Variants in MOB3B observed in about 807,000 individuals in gnomAD.
The protein encoded by MOB3B is MOB kinase activator-like 2B.
Under a neutral mutation model 18.7 loss-of-function variants are expected in MOB3B, and 7 were observed. That is an observed-to-expected ratio of 0.37 (90% CI 0.21 to 0.70). The LOEUF (loss-of-function observed/expected upper bound fraction) is 0.70. MOB3B is among the 30% of genes least tolerant of loss of function. MOB3B has a pLI of 0.52. For missense variants in MOB3B, 253 were observed against 281.3 expected (o/e 0.90, Z 0.72); for synonymous variants, 111 against 99.9 (o/e 1.11, Z -0.66).
chr9:27,414,683 G>A (rs1822119775), intron 2 of MOB3B, among the ~76,000 whole-genome samples: 1 of 152,096 alleles, frequency 6.6e-6, no homozygotes, highest in Non-Finnish European at 1.5e-5. Context: ...ACTTAAATCA[G>A]CAACATAAAC....
At chr9:27,355,667 C>T (rs1180329981) in intron 3 of MOB3B, among the ~76,000 whole-genome samples, 1 of 151,076 alleles carries the variant, frequency 6.6e-6, no homozygotes, top group Non-Finnish European at 1.5e-5. Flanking sequence ...TCACGCCATT[C>T]TCCTGCCTCA....
chr9:27,399,609 A>T (rs2131390609), intron 2 of MOB3B, among the ~76,000 whole-genome samples: 1 of 152,256 alleles, frequency 6.6e-6, no homozygotes, highest in Non-Finnish European at 1.5e-5. Flanking sequence ...AGACCCTTCC[A>T]TTAATACAAA....
intron 1 of MOB3B, chr9:27,524,847 A>T: frequency 6.2e-7 from 1 of 1,614,062 alleles, no homozygotes; most frequent in Non-Finnish European, 8.5e-7. Context: ...CAGGATAGAC[A>T]ATTTCCTGAA....
intron 2 of MOB3B, among the ~76,000 whole-genome samples, chr9:27,447,538 A>G (rs1362581595): frequency 6.6e-6 from 1 of 152,188 alleles, no homozygotes; most frequent in Non-Finnish European, 1.5e-5. Context: ...TTAAAATTAC[A>G]TAGCACAGGT....
intron 2 of MOB3B, among the ~76,000 whole-genome samples, chr9:27,361,125 T>C (rs2131358113): frequency 6.6e-6 from 1 of 151,964 alleles, no homozygotes; most frequent in South Asian, 2.1e-4. Flanking sequence ...TGCCAGGAGG[T>C]CGACATATGT....
chr9:27,488,569 G>A (rs1053828893), intron 1 of MOB3B, among the ~76,000 whole-genome samples: 1 of 152,018 alleles, frequency 6.6e-6, no homozygotes. Flanking sequence ...CACCACACTC[G>A]GCTAACTTTT....
chr9:27,449,651 A>G (rs1822750470), intron 2 of MOB3B, among the ~76,000 whole-genome samples: 1 of 152,222 alleles, frequency 6.6e-6, no homozygotes, highest in Admixed American at 6.5e-5. Flanking sequence ...TTCTATCAAA[A>G]TAAAAACCAT....
intron 1 of MOB3B, among the ~76,000 whole-genome samples, chr9:27,506,700 T>C (rs1820065140): frequency 6.6e-6 from 1 of 151,522 alleles, no homozygotes; most frequent in Non-Finnish European, 1.5e-5. Context: ...CCGGCTAATT[T>C]TTTGTAATTT....
intron 2 of MOB3B, among the ~76,000 whole-genome samples, chr9:27,416,929 G>T (rs1356663689): frequency 1.3e-5 from 2 of 152,188 alleles, no homozygotes; most frequent in Non-Finnish European, 2.9e-5. Flanking sequence ...ATAAGCAGGG[G>T]ACACCTGTTA....
intron 1 of MOB3B, among the ~76,000 whole-genome samples, chr9:27,483,974 G>A (rs61041513): frequency 0.025 from 3,759 of 152,298 alleles, 144 homozygotes; most frequent in African/African-American, 0.084. Flanking sequence ...AAGGGTTTGA[G>A]TCCAGGTGAC....
chr9:27,385,362 G>A (rs1329931909), intron 2 of MOB3B, among the ~76,000 whole-genome samples: 1 of 152,202 alleles, frequency 6.6e-6, no homozygotes. Flanking sequence ...CCATGAGACA[G>A]AGTGACAAAT....
chr9:27,522,426 T>C (rs1373851356), intron 1 of MOB3B, among the ~76,000 whole-genome samples: 6 of 112,452 alleles, frequency 5.3e-5, no homozygotes, highest in African/African-American at 1.8e-4. Flanking sequence ...TTTTCATATA[T>C]ATATATATAT....
At chr9:27,503,975 C>T (rs1820024232) in intron 1 of MOB3B, among the ~76,000 whole-genome samples, 1 of 152,232 alleles carries the variant, frequency 6.6e-6, no homozygotes. Flanking sequence ...TTCCGTTCTC[C>T]TGCTTTCATT....
intron 3 of MOB3B, among the ~76,000 whole-genome samples, chr9:27,343,348 G>A (rs7019860): frequency 0.18 from 26,142 of 149,052 alleles, 4,055 homozygotes; most frequent in African/African-American, 0.42. Flanking sequence ...GGAAGGCCGC[G>A]GGGTCCTCTG....
At chr9:27,502,572 G>C (rs1307341824) in intron 1 of MOB3B, among the ~76,000 whole-genome samples, 1 of 152,218 alleles carries the variant, frequency 6.6e-6, no homozygotes, top group East Asian at 1.9e-4. Flanking sequence ...GTCCTGAGAT[G>C]GCCAAGTACA....
intron 2 of MOB3B, among the ~76,000 whole-genome samples, chr9:27,401,495 A>C (rs1420873247): frequency 1.3e-5 from 2 of 152,202 alleles, no homozygotes; most frequent in Non-Finnish European, 2.9e-5. Flanking sequence ...AGGCACCCTC[A>C]TCTGGGTCTG....
At chr9:27,465,511 G>A (rs1181030801) in intron 1 of MOB3B, among the ~76,000 whole-genome samples, 1 of 152,160 alleles carries the variant, frequency 6.6e-6, no homozygotes, top group East Asian at 1.9e-4. Flanking sequence ...ACCATTCTGG[G>A]GTCTGGAAGA....
intron 1 of MOB3B, among the ~76,000 whole-genome samples, chr9:27,510,323 C>A (rs1202546790): frequency 6.6e-6 from 1 of 152,190 alleles, no homozygotes; most frequent in Non-Finnish European, 1.5e-5. Context: ...TATTACCTAA[C>A]CAAGAGTAAC....
intron 1 of MOB3B, among the ~76,000 whole-genome samples, chr9:27,522,420 CATATATATAT>C (rs66472709): frequency 1.4e-5 from 2 of 141,388 alleles, no homozygotes; most frequent in African/African-American, 2.7e-5. Context: ...GACATTTTTT[CATATATATAT>C]ATATATATAT....
Sources: allele counts gnomAD v4.1 joint callset (sites outside exome capture counted in the v4.1 genomes callset), GRCh38; gene constraint gnomAD v4.1.1; transcripts MANE v1.5; gene names NCBI Gene and HGNC (gene_info 2026-07-23, HGNC 2026-07-21).